VPS13A: variants seen among roughly 807,000 people sequenced by gnomAD.
VPS13A encodes the protein intermembrane lipid transfer protein VPS13A.
A neutral mutation model predicts 390.9 loss-of-function variants in VPS13A; 264 were observed. The observed-to-expected ratio is 0.68, with a 90% CI of 0.61 to 0.75. The LOEUF (loss-of-function observed/expected upper bound fraction) is 0.75. VPS13A is among the 30% of genes least tolerant of loss of function. VPS13A has a pLI of 0.00. For synonymous variants in VPS13A, 1,231 were observed against 1,227.1 expected, an observed-to-expected ratio of 1.00 and a Z score of -0.07; for missense variants, 3,409 against 3,733.9, an observed-to-expected ratio of 0.91 and a Z score of 2.27.
chr9:77,341,253 T>A (rs2131509970), intron 50 of VPS13A, among the ~76,000 whole-genome samples: 1 of 152,134 alleles, frequency 6.6e-6, no homozygotes, highest in East Asian at 1.9e-4. Context: ...AACCCAGGCG[T>A]TCCAGGGGGC....
At chr9:77,247,031 A>T (rs985372954) in intron 19 of VPS13A, among the ~76,000 whole-genome samples, 1 of 151,844 alleles carries the variant, frequency 6.6e-6, no homozygotes, top group Non-Finnish European at 1.5e-5. Flanking sequence ...TAGGTTAAAA[A>T]TTTTTTTTGG....
chr9:77,281,955 A>G (rs1354489263), intron 28 of VPS13A, 29 bp downstream of exon 28: 1 of 1,429,030 alleles, frequency 7.0e-7, no homozygotes, highest in East Asian at 2.3e-5. Flanking sequence ...TTTTTTAATT[A>G]TGTACTATTT....
chr9:77,235,652 T>A (rs935681777), intron 17 of VPS13A, among the ~76,000 whole-genome samples: 1 of 152,208 alleles, frequency 6.6e-6, no homozygotes, highest in Non-Finnish European at 1.5e-5. Flanking sequence ...TTTTCTCATG[T>A]CCTTCGGAGA....
intron 22 of VPS13A, among the ~76,000 whole-genome samples, chr9:77,257,227 A>G (rs961874070): frequency 2.6e-5 from 4 of 151,864 alleles, no homozygotes; most frequent in Non-Finnish European, 4.4e-5. Context: ...ATAACAGTCT[A>G]TTTATTTATT....
chr9:77,366,738 T>C lies in VPS13A; in HGVS notation c.8337T>C (p.Ser2779=), dbSNP rs146586305. ...CTTTATCTTTTTAGTTACATTTAAG[T>C]GTTTCACTGAGTTCCGGCAGAGAAG... ...FHISPIKLHL[S]VSLSSGREEA... Residue 2779 remains serine (S), a synonymous_variant, in exon 61 of 72, where the codon AGT becomes AGC. Coordinates refer to ENST00000360280, the MANE Select transcript of VPS13A (RefSeq NM_033305.3). The C allele has an allele frequency of 1.2e-6, 2 of 1,611,952 alleles. No homozygotes were observed. The highest frequency in any genetic ancestry group is 2.7e-5 in the African/African-American group (2 of 74,870).
At chr9:77,302,620 G>A (rs968624575) in intron 33 of VPS13A, among the ~76,000 whole-genome samples, 5 of 151,880 alleles carry the variant, frequency 3.3e-5, no homozygotes, top group East Asian at 1.9e-4. Flanking sequence ...TGATCTGCCC[G>A]CCTCAGCCTC....
At chr9:77,234,616 C>T (rs1380024610) in intron 17 of VPS13A, among the ~76,000 whole-genome samples, 1 of 152,060 alleles carries the variant, frequency 6.6e-6, no homozygotes, top group Non-Finnish European at 1.5e-5. Flanking sequence ...ATCCATTCTG[C>T]CAGTCTCTAT....
chr9:77,269,762 G>C (rs1826245288), intron 23 of VPS13A, among the ~76,000 whole-genome samples: 1 of 152,154 alleles, frequency 6.6e-6, no homozygotes, highest in Non-Finnish European at 1.5e-5. Flanking sequence ...TGTATGGGCT[G>C]AATTGTGCCC....
At chr9:77,378,274 G>A (rs72748206) in intron 67 of VPS13A, among the ~76,000 whole-genome samples, 2,751 of 152,138 alleles carry the variant, frequency 0.018, 34 homozygotes, top group Non-Finnish European at 0.028. Flanking sequence ...CAGTGAAACC[G>A]TCTGATTCTT....
chr9:77,406,113 T>C, intron 70 of VPS13A, 126 bp downstream of exon 70: 2 of 1,270,786 alleles, frequency 1.6e-6, no homozygotes, highest in Non-Finnish European at 2.2e-6. Context: ...TGGTTTTCCC[T>C]TATACCTGCT....
chr9:77,393,978 G>A (rs893840956), intron 68 of VPS13A, among the ~76,000 whole-genome samples: 3 of 151,432 alleles, frequency 2.0e-5, no homozygotes, highest in Non-Finnish European at 2.9e-5. Context: ...ATGTTGGCCA[G>A]GCTGGGGACG....
intron 5 of VPS13A, among the ~76,000 whole-genome samples, chr9:77,207,493 A>G (rs1411052241): frequency 1.3e-5 from 2 of 150,964 alleles, no homozygotes; most frequent in Non-Finnish European, 3.0e-5. Context: ...TGGTTAAATC[A>G]GAATTCATTG....
chr9:77,337,950 T>G (rs1280199151), intron 47 of VPS13A: 1 of 156,140 alleles, frequency 6.4e-6, no homozygotes, highest in Non-Finnish European at 1.4e-5. Flanking sequence ...TATAGGTTTA[T>G]TTTACTTTTA....
At chr9:77,258,623 GT>G (rs1399674898) in intron 22 of VPS13A, among the ~76,000 whole-genome samples, 1 of 151,624 alleles carries the variant, frequency 6.6e-6, no homozygotes, top group Non-Finnish European at 1.5e-5. Context: ...GCATTCCCTT[GT>G]TTTTTTTCAA....
At chr9:77,392,758 TA>T (rs1833950583) in intron 68 of VPS13A, among the ~76,000 whole-genome samples, 2 of 149,270 alleles carry the variant, frequency 1.3e-5, no homozygotes, top group Non-Finnish European at 3.0e-5. Flanking sequence ...TATAAAACTA[TA>T]TATAACTATA....
chr9:77,384,630 A>AGTG, intron 68 of VPS13A: 1 of 1,608,232 alleles, frequency 6.2e-7, no homozygotes, highest in South Asian at 1.1e-5. Flanking sequence ...CAGTAGCAGT[A>AGTG]GTGATGATGA....
chr9:77,331,055 T>C (rs1409081774), intron 45 of VPS13A, among the ~76,000 whole-genome samples: 2 of 152,180 alleles, frequency 1.3e-5, no homozygotes, highest in Non-Finnish European at 2.9e-5. Context: ...TAGGTCATTA[T>C]TTTAATGATG....
At chr9:77,337,605 T>C in intron 47 of VPS13A, 68 bp downstream of exon 47, 2 of 1,495,460 alleles carry the variant, frequency 1.3e-6, no homozygotes, top group African/African-American at 2.8e-5. Context: ...AAGATTAAGA[T>C]CAATAAAAAC....
intron 32 of VPS13A, among the ~76,000 whole-genome samples, chr9:77,294,163 C>A (rs1827841325): frequency 6.6e-6 from 1 of 152,118 alleles, no homozygotes; most frequent in Non-Finnish European, 1.5e-5. Context: ...TCAAGTGATC[C>A]TCCTGCTTTG....
Sources: allele counts gnomAD v4.1 joint callset (sites outside exome capture counted in the v4.1 genomes callset), GRCh38; gene constraint gnomAD v4.1.1; transcripts MANE v1.5; gene names NCBI Gene and HGNC (gene_info 2026-07-23, HGNC 2026-07-21).